VDR: variants seen among roughly 807,000 people sequenced by gnomAD.
VDR encodes vitamin D3 receptor.
Under a neutral mutation model 39.7 loss-of-function variants are expected in VDR, and 19 were observed. The ratio of observed to expected loss-of-function variants is 0.48; its 90% CI spans 0.33 to 0.70. The LOEUF (loss-of-function observed/expected upper bound fraction) is 0.70. Among genes scored for constraint, VDR ranks in the 30% least tolerant of loss-of-function variants. The pLI is 0.02. For missense variants in VDR, 442 were observed against 570.5 expected (o/e 0.77, Z 2.29); for synonymous variants, 242 against 215.8 (o/e 1.12, Z -1.07).
chr12:47,844,773 G>T lies in VDR; in HGVS notation c.1257C>A (p.Leu419=). The change falls in exon 10 of 10, where the codon CTC becomes CTA. Residue 419 remains leucine (L), a synonymous_variant. Transcript: ENST00000549336. The part of the protein sequence containing the change: ...ECSMKLTPLV[L]EVFGNEIS Reference sequence around the variant, plus strand: ...AGGAGATCTCATTGCCAAACACTTCGAGCACAAGGGGCGTTAGCTTCATGC... The same window carrying T: ...AGGAGATCTCATTGCCAAACACTTCTAGCACAAGGGGCGTTAGCTTCATGC... 1 of 1,614,068 alleles carries T rather than the reference G, an allele frequency of 6.2e-7. No individual in the cohort carries two copies. Among genetic ancestry groups the T allele is most frequent in the South Asian group, 1.1e-5 (1 of 91,078 alleles).
At chr12:47,848,310 T>C (rs915186820) in intron 7 of VDR, among the ~76,000 whole-genome samples, 6 of 151,810 alleles carry the variant, frequency 4.0e-5, no homozygotes, top group Non-Finnish European at 8.8e-5. Context: ...GGGTTACAGG[T>C]GTGAGCCACT....
At chr12:47,856,013 A>G (rs1555150569) in intron 6 of VDR, among the ~76,000 whole-genome samples, 1 of 152,220 alleles carries the variant, frequency 6.6e-6, no homozygotes, top group Non-Finnish European at 1.5e-5. Flanking sequence ...AAAGAGCCAG[A>G]GACACTCAGA....
rs548010512 is a variant in VDR, at chr12:47,855,853, C to G, written c.584-52G>C. The G allele has an allele frequency of 9.1e-5, 146 of 1,607,634 alleles. 1 individual carries two copies. The highest frequency in any genetic ancestry group is 8.8e-4 in the Middle Eastern group (4 of 4,524). On this transcript the variant is annotated intron_variant, in intron 6 of 9. Transcript: ENST00000549336. ...GCTATTTAAGGATACTTGGACCAGG[C>G]CCCCTCCTGCCAGACCCTGCAAAAA...
chr12:47,900,010 C>G, intron 1 of VDR: 1 of 950,992 alleles, frequency 1.1e-6, no homozygotes, highest in Non-Finnish European at 1.3e-6. Flanking sequence ...GAATAGCTCC[C>G]CATTGGCCAA....
At chr12:47,902,334 C>G (rs555492145) in intron 1 of VDR, among the ~76,000 whole-genome samples, 4 of 152,276 alleles carry the variant, frequency 2.6e-5, no homozygotes, top group African/African-American at 7.2e-5. Context: ...CCTTGGTGGC[C>G]CAGAGTGGCA....
chr12:47,898,382 A>G (rs111977107), intron 1 of VDR: 14 of 152,374 alleles, frequency 9.2e-5, no homozygotes, highest in African/African-American at 3.4e-4. Context: ...AGGATGGAGA[A>G]CAATGGAGAC....
At chr12:47,856,614 GT>G (rs58233888) in intron 6 of VDR, among the ~76,000 whole-genome samples, 66,464 of 141,384 alleles carry the variant, frequency 0.47, 15,558 homozygotes, top group South Asian at 0.56. Flanking sequence ...ATACATATGT[GT>G]TTTTTTTAAA....
chr12:47,887,641 C>T (rs974809815), intron 1 of VDR, among the ~76,000 whole-genome samples: 1 of 152,208 alleles, frequency 6.6e-6, no homozygotes, highest in Admixed American at 6.5e-5. Context: ...GTGGCCTGCA[C>T]CTGGAGAGAA....
intron 4 of VDR, among the ~76,000 whole-genome samples, chr12:47,858,636 G>T (rs960513185): frequency 1.2e-4 from 19 of 152,372 alleles, no homozygotes; most frequent in African/African-American, 3.6e-4. Flanking sequence ...TGGCACGGCG[G>T]CTGGGCAAAC....
chr12:47,888,887 C>CA (rs1946310232), intron 1 of VDR, among the ~76,000 whole-genome samples: 1 of 152,034 alleles, frequency 6.6e-6, no homozygotes, highest in Admixed American at 6.5e-5. Context: ...TTCTATTCCC[C>CA]AAAAGCTAGG....
At position 47,846,647 on chromosome 12, in the gene VDR, C is replaced by G; in HGVS notation, c.907+10G>C. 6.2e-7 allele frequency: 1 copy of G among 1,613,254 alleles called. No homozygotes were observed. Among genetic ancestry groups the G allele is most frequent in the South Asian group, 1.1e-5 (1 of 91,030 alleles). The stretch of plus-strand genomic sequence containing the variant: ...AAAAAGACTCCCCAGGAGGTGGAGT[C>G]TAGGCATACCTTTGGTCACGTCACT... On this transcript the variant is annotated intron_variant, in intron 8 of 9. Coordinates refer to ENST00000549336, the MANE Select transcript of VDR (RefSeq NM_000376.3).
chr12:47,900,012 AT>A, intron 1 of VDR: 1 of 940,610 alleles, frequency 1.1e-6, no homozygotes, highest in Non-Finnish European at 1.3e-6. Context: ...ATAGCTCCCC[AT>A]TGGCCAATGG....
At chr12:47,901,168 G>A (rs1453314550) in intron 1 of VDR, 1 of 155,160 alleles carries the variant, frequency 6.4e-6, no homozygotes, top group Admixed American at 6.5e-5. Flanking sequence ...CTTTTCATTT[G>A]TTGGCAGTGA....
chr12:47,864,162 G>A (rs1945680118), intron 4 of VDR, among the ~76,000 whole-genome samples: 1 of 152,208 alleles, frequency 6.6e-6, no homozygotes, highest in Non-Finnish European at 1.5e-5. Context: ...AGGAGAAAAA[G>A]GAATGAGTGT....
chr12:47,902,660 G>A (rs967008663), intron 1 of VDR, among the ~76,000 whole-genome samples: 8 of 152,180 alleles, frequency 5.3e-5, no homozygotes, highest in African/African-American at 1.2e-4. Context: ...TGGTCCTCCC[G>A]TCTCTGGCTC....
chr12:47,903,045 A>G (rs1217527599), intron 1 of VDR, among the ~76,000 whole-genome samples: 2 of 152,242 alleles, frequency 1.3e-5, no homozygotes, highest in Non-Finnish European at 2.9e-5. Context: ...GGGCACCCCA[A>G]ACAGCACCCG....
At chr12:47,882,835 C>G in intron 1 of VDR, 61 bp from the exon 2 acceptor site, 1 of 1,376,270 alleles carries the variant, frequency 7.3e-7, no homozygotes, top group East Asian at 2.5e-5. Context: ...TCCCCAGTCT[C>G]TAAGGAAGTG....
At chr12:47,886,308 C>T (rs1020453332) in intron 1 of VDR, among the ~76,000 whole-genome samples, 2 of 152,214 alleles carry the variant, frequency 1.3e-5, no homozygotes, top group African/African-American at 2.4e-5. Context: ...AAACTCTGCC[C>T]CATCGAGTGC....
chr12:47,904,537 T>C (rs921477188), intron 1 of VDR: 1 of 1,522,080 alleles, frequency 6.6e-7, no homozygotes, highest in Non-Finnish European at 8.8e-7. Context: ...ACCTGGGCCC[T>C]GTAAGACAAT....
Sources: gnomAD v4.1 joint callset for allele counts (sites outside exome capture counted in the v4.1 genomes callset) on GRCh38, gnomAD v4.1.1 for gene constraint, MANE v1.5 for transcripts, NCBI Gene and HGNC (gene_info 2026-07-23, HGNC 2026-07-21) for gene names.